SYNE1: variants seen among roughly 807,000 people sequenced by gnomAD.
SYNE1 encodes the protein spectrin repeat containing nuclear envelope protein 1, also known as nesprin-1.
A neutral mutation model predicts 1,111.0 loss-of-function variants in SYNE1; 616 were observed. The observed-to-expected ratio is 0.55, with a 90% CI of 0.52 to 0.59. The LOEUF (loss-of-function observed/expected upper bound fraction) is 0.59, where lower values mean the gene tolerates loss of function less well. Ranked by LOEUF, SYNE1 falls within the 20% of genes least tolerant of loss-of-function variation. SYNE1 has a pLI of 0.00. For missense variants in SYNE1, 10,006 were observed against 10,417.0 expected (o/e 0.96, Z 1.72); for synonymous variants, 3,855 against 3,825.8 (o/e 1.01, Z -0.28).
rs1244735349 is a variant in SYNE1 at position 152,596,445 on chromosome 6, AG to A, written c.67+31819del. The stretch of plus-strand genomic sequence containing the variant: ...TAATTTTTGTAGTTTTAGTAGAGAC[AG>A]GGTTTCACCATGTTGGCCATGCTGG... On this transcript the variant is annotated intron_variant, in intron 3 of 145. Transcript: ENST00000367255. Among the ~76,000 whole-genome samples, 14 of 152,106 alleles carry A rather than the reference AG, an allele frequency of 9.2e-5. No homozygotes were observed. The East Asian group carries it at 2.7e-3, about 30-fold the overall frequency.
At chr6:152,236,085 T>A (rs36215567) in intron 110 of SYNE1, 22 bp downstream of exon 110, 1 of 1,611,116 alleles carries the variant, frequency 6.2e-7, no homozygotes, top group South Asian at 1.1e-5. Flanking sequence ...TCTAAAAATA[T>A]ACAAAACAGT....
intron 3 of SYNE1, among the ~76,000 whole-genome samples, chr6:152,542,588 C>T (rs1198835153): frequency 6.6e-6 from 1 of 152,000 alleles, no homozygotes; most frequent in Non-Finnish European, 1.5e-5. Flanking sequence ...ACATATAAAA[C>T]TGTCAAGACA....
intron 30 of SYNE1, among the ~76,000 whole-genome samples, chr6:152,442,660 G>A (rs1275580692): frequency 2.0e-5 from 3 of 152,130 alleles, no homozygotes; most frequent in African/African-American, 7.2e-5. Context: ...GAGATTTATG[G>A]CCAGGGGCGG....
At chr6:152,631,523 T>G (rs2129012861) in intron 2 of SYNE1, among the ~76,000 whole-genome samples, 1 of 152,250 alleles carries the variant, frequency 6.6e-6, no homozygotes, top group Admixed American at 6.5e-5. Context: ...TTGGGATTAT[T>G]CTAGCTATGA....
At chr6:152,214,132 G>A (rs1286270771) in intron 122 of SYNE1, among the ~76,000 whole-genome samples, 1 of 149,836 alleles carries the variant, frequency 6.7e-6, no homozygotes, top group Non-Finnish European at 1.5e-5. Flanking sequence ...ACCCAACATT[G>A]CAGTGAGCCG....
intron 14 of SYNE1, among the ~76,000 whole-genome samples, chr6:152,475,883 T>G (rs533582167): frequency 5.4e-4 from 82 of 152,340 alleles, no homozygotes; most frequent in Admixed American, 1.4e-3. Context: ...AGCTGCATTT[T>G]AAGGATCACT....
chr6:152,194,882 T>A (rs925928804), intron 127 of SYNE1, among the ~76,000 whole-genome samples: 2 of 152,200 alleles, frequency 1.3e-5, no homozygotes, highest in Non-Finnish European at 1.5e-5. Flanking sequence ...TTATCTGATA[T>A]GATTCTGAAT....
At chr6:152,171,301 A>G (rs566961100) in intron 130 of SYNE1, among the ~76,000 whole-genome samples, 20 of 152,350 alleles carry the variant, frequency 1.3e-4, no homozygotes, top group Admixed American at 5.9e-4. Flanking sequence ...CCCGAAGCCA[A>G]TGCTTTGCTT....
At chr6:152,154,350 G>A (rs529168994) in intron 133 of SYNE1, among the ~76,000 whole-genome samples, 3 of 151,830 alleles carry the variant, frequency 2.0e-5, no homozygotes, top group Non-Finnish European at 4.4e-5. Flanking sequence ...AAAAGTTTTG[G>A]TGACTCAAGA....
At chr6:152,565,619 T>C (rs1448390968) in intron 3 of SYNE1, among the ~76,000 whole-genome samples, 1 of 152,012 alleles carries the variant, frequency 6.6e-6, no homozygotes, top group Non-Finnish European at 1.5e-5. Context: ...TGCTAAACTT[T>C]ACTTCGCTTT....
Position 152,385,604 on chromosome 6 carries a change from C to T in SYNE1, c.8652+70G>A, listed in dbSNP as rs577875000. The T allele has an allele frequency of 9.7e-5, 151 of 1,560,382 alleles. No individual in the cohort carries two copies. In the South Asian group the frequency reaches 1.5e-3, roughly 16 times the overall value. On this transcript the variant is annotated intron_variant, in intron 55 of 145. Coordinates refer to ENST00000367255, the MANE Select transcript of SYNE1 (RefSeq NM_182961.4). ...ATTTTAAATAACAGAATCTTATCTA[C>T]AAAATCTTTATCAAAAGTACTCAAG...
Position 152,461,593 on chromosome 6 carries a change from G to T in SYNE1, c.2394+4C>A. On this transcript the variant is annotated splice_donor_region_variant and intron_variant, in intron 21 of 145. Coordinates refer to ENST00000367255, the MANE Select transcript of SYNE1 (RefSeq NM_182961.4). ...GCCTATTGTGCATTAAATTATTTTC[G>T]CACCTTGGTTAGCTGCTCTTTGAGC... 1.2e-6 allele frequency: 2 copies of T among 1,613,892 alleles called. No homozygotes were observed. Among genetic ancestry groups the T allele is most frequent in the South Asian group, 2.2e-5 (2 of 91,062 alleles).
chr6:152,213,618 T>C lies in SYNE1; in HGVS notation c.22488A>G (p.Ala7496=), dbSNP rs2077978704. ...NYQHLLEQQR[A]HELFQAEMFS... is the part of the protein sequence containing the mutation. Reference sequence around the variant, plus strand: ...ATCTACTGATACAACTTACCTCGTGTGCTCTCTGCTGTTCCAAAAGGTGCT... The same window carrying C: ...ATCTACTGATACAACTTACCTCGTGCGCTCTCTGCTGTTCCAAAAGGTGCT... The change falls in exon 123 of 146, where the codon GCA becomes GCG. Residue 7496 remains alanine (A), a synonymous_variant. Transcript: ENST00000367255. The C allele has an allele frequency of 6.2e-7, 1 of 1,613,988 alleles. No homozygotes were observed. The highest frequency in any genetic ancestry group is 2.2e-5 in the East Asian group (1 of 44,872).
Position 152,505,294 on chromosome 6 carries a change from T to C in SYNE1, c.685A>G (p.Thr229Ala). The part of the protein sequence containing the change: ...AIRPELVDLE[T>A]VKGRSNRENL... ...TCTCGGTTGGATCTGCCTTTCACTG[T>C]CTCCAAGTCCACCAATTCCGGTCGA... The change falls in exon 9 of 146, where the codon ACA (threonine) becomes GCA (alanine). Residue 229 changes from threonine to alanine, a missense_variant. Physicochemically the swap from Thr to Ala is moderately conservative, Grantham distance 58 (BLOSUM62 0). Around this residue, in one of 7 missense-constraint regions of SYNE1, gnomAD observed 1,971 missense variants for 2,084.1 expected, o/e 0.95. Coordinates refer to ENST00000367255, the MANE Select transcript of SYNE1 (RefSeq NM_182961.4). 1 of 1,614,144 alleles carries C rather than the reference T, an allele frequency of 6.2e-7. No individual in the cohort carries two copies. Among genetic ancestry groups the C allele is most frequent in the Non-Finnish European group, 8.5e-7 (1 of 1,180,012 alleles).
chr6:152,331,053 G>A lies in SYNE1; in HGVS notation c.13632C>T (p.Asp4544=), dbSNP rs767453691. Reference sequence around the variant, plus strand: ...GGTGACTGCACTTTTGTAAAACACTGTCATAGACACTCTGCAATTCCTGAA... The same window carrying A: ...GGTGACTGCACTTTTGTAAAACACTATCATAGACACTCTGCAATTCCTGAA... ...GKLQELQSVY[D]SVLQKCSHRL... Residue 4544 remains aspartate (D), a synonymous_variant, in exon 78 of 146, where the codon GAC becomes GAT. Transcript: ENST00000367255. 2 of 1,614,050 alleles carry A rather than the reference G, an allele frequency of 1.2e-6. No homozygotes were observed. Among genetic ancestry groups the A allele is most frequent in the East Asian group, 2.2e-5 (1 of 44,858 alleles).
chr6:152,472,394 T>A lies in SYNE1; in HGVS notation c.1370A>T (p.Asp457Val). Residue 457 changes from aspartate (D) to valine (V), a missense_variant, in exon 15 of 146, where the codon GAT becomes GTT. Asp to Val is a radical substitution (Grantham distance 152, BLOSUM62 -3). Coordinates refer to ENST00000367255, the MANE Select transcript of SYNE1 (RefSeq NM_182961.4). ...TTCATGGAATGCTCTTTTGTGGGCA[T>A]CCGTGTTTTGAAGCAGATCCTAAGA... ...EQHKDLLQNT[D>V]AHKRAFHEIY... 1 of 1,613,684 alleles carries A rather than the reference T, an allele frequency of 6.2e-7. No individual in the cohort carries two copies. Among genetic ancestry groups the A allele is most frequent in the East Asian group, 2.2e-5 (1 of 44,870 alleles).
intron 130 of SYNE1, 115 bp downstream of exon 130, chr6:152,176,279 G>A (rs1010770590): frequency 1.4e-6 from 2 of 1,435,714 alleles, no homozygotes; most frequent in Non-Finnish European, 2.0e-6. Context: ...TGAAAATGGT[G>A]AGATAACCCA....
At chr6:152,414,888 T>C (rs1305443721) in intron 41 of SYNE1, among the ~76,000 whole-genome samples, 3 of 152,180 alleles carry the variant, frequency 2.0e-5, no homozygotes, top group African/African-American at 4.8e-5. Flanking sequence ...CCAAGTATCA[T>C]TCCCTTTTGT....
At chr6:152,460,032 C>T (rs2154263193) in intron 21 of SYNE1, among the ~76,000 whole-genome samples, 1 of 152,278 alleles carries the variant, frequency 6.6e-6, no homozygotes. Flanking sequence ...AATGTGTATA[C>T]AAATCAGTGT....
Sources: gnomAD v4.1 joint callset for allele counts (sites outside exome capture counted in the v4.1 genomes callset) on GRCh38, gnomAD v4.1.1 for gene constraint, gnomAD v4.1.1 regional missense constraint, MANE v1.5 for transcripts, NCBI Gene and HGNC (gene_info 2026-07-23, HGNC 2026-07-21) for gene names.